Variants in MIS18BP1 observed in about 807,000 individuals in gnomAD.
The protein encoded by MIS18BP1 is MIS18 binding protein 1, also known as mis18-binding protein 1.
MIS18BP1 carries 72 observed loss-of-function variants against 116.1 expected under a neutral mutation model. The observed-to-expected ratio is 0.62, with a 90% confidence interval of 0.51 to 0.75. MIS18BP1 has a LOEUF of 0.75. MIS18BP1 is among the 30% of genes least tolerant of loss of function. The probability of loss-of-function intolerance (pLI) is 0.00; values close to 1 mark genes in which losing one functional copy is unlikely to be tolerated. For missense variants in MIS18BP1, 1,363 were observed against 1,303.2 expected (o/e 1.05, Z -0.71); for synonymous variants, 386 against 427.0 (o/e 0.90, Z 1.18).
chr14:45,225,965 T>C (rs1438375658), intron 10 of MIS18BP1, among the ~76,000 whole-genome samples: 1 of 152,106 alleles, frequency 6.6e-6, no homozygotes, highest in Non-Finnish European at 1.5e-5. Flanking sequence ...TCAAAATAAT[T>C]TAGAAAGTGT....
intron 6 of MIS18BP1, among the ~76,000 whole-genome samples, chr14:45,234,999 C>T (rs774283582): frequency 2.0e-4 from 30 of 152,154 alleles, no homozygotes; most frequent in Non-Finnish European, 4.3e-4. Flanking sequence ...GGGCAGATCA[C>T]ATGAGGTCAC....
intron 1 of MIS18BP1, among the ~76,000 whole-genome samples, chr14:45,251,177 C>A (rs1425879320): frequency 6.6e-6 from 1 of 151,726 alleles, no homozygotes; most frequent in South Asian, 2.1e-4. Flanking sequence ...TTTTACTGTA[C>A]CTTTTCTATA....
At chr14:45,252,401 A>C (rs772406931) in intron 1 of MIS18BP1, among the ~76,000 whole-genome samples, 2 of 152,258 alleles carry the variant, frequency 1.3e-5, no homozygotes, top group Non-Finnish European at 2.9e-5. Context: ...GTTTAAAAAA[A>C]TTTTTAAGTA....
At chr14:45,227,051 T>A (rs995545474) in intron 9 of MIS18BP1, among the ~76,000 whole-genome samples, 3 of 152,222 alleles carry the variant, frequency 2.0e-5, no homozygotes, top group Middle Eastern at 3.2e-3. Flanking sequence ...CTACATTAAT[T>A]TAATACTTTG....
Position 45,247,197 on chromosome 14 carries a change from A to G in MIS18BP1, c.90T>C (p.Phe30=). The change falls in exon 2 of 17, where the codon TTT becomes TTC. Residue 30 remains phenylalanine, a synonymous_variant. Transcript: ENST00000310806. ...QRRNLPMDAI[F]FDSIPSGTLT... ...GTGTGCCTGAAGGAATGCTGTCAAA[A>G]AAGATTGCATCCATGGGTAGATTTC... The G allele has an allele frequency of 6.2e-7, 1 of 1,613,018 alleles. No individual in the cohort carries two copies. The highest frequency in any genetic ancestry group is 8.5e-7 in the Non-Finnish European group (1 of 1,179,916).
chr14:45,210,272 AAAT>A, intron 14 of MIS18BP1, 105 bp downstream of exon 14: 1 of 1,152,706 alleles, frequency 8.7e-7, no homozygotes, highest in Non-Finnish European at 1.2e-6. Flanking sequence ...TTGATTTTTT[AAAT>A]AATGCCTCTT....
intron 14 of MIS18BP1, among the ~76,000 whole-genome samples, chr14:45,207,234 T>G (rs919848831): frequency 6.6e-6 from 1 of 152,214 alleles, no homozygotes; most frequent in Non-Finnish European, 1.5e-5. Context: ...CTTACATACC[T>G]GAGTATCCTC....
intron 8 of MIS18BP1, among the ~76,000 whole-genome samples, chr14:45,228,469 C>G (rs1267542987): frequency 6.6e-6 from 1 of 152,052 alleles, no homozygotes; most frequent in Non-Finnish European, 1.5e-5. Context: ...AATAACTGTT[C>G]TTCTTCTATT....
chr14:45,214,940 G>A (rs1198601099), intron 13 of MIS18BP1, among the ~76,000 whole-genome samples: 5 of 151,974 alleles, frequency 3.3e-5, no homozygotes, highest in Admixed American at 6.6e-5. Context: ...TAGTAGAGAC[G>A]GGGTTTCACC....
intron 12 of MIS18BP1, 42 bp from the exon 13 acceptor site, chr14:45,217,221 T>C: frequency 6.9e-6 from 11 of 1,590,484 alleles, no homozygotes; most frequent in Non-Finnish European, 9.4e-6. Flanking sequence ...TTTGGTTATT[T>C]ATAGTAACTG....
chr14:45,244,760 T>G (rs898771026), intron 2 of MIS18BP1, among the ~76,000 whole-genome samples: 1 of 152,266 alleles, frequency 6.6e-6, no homozygotes, highest in Non-Finnish European at 1.5e-5. Flanking sequence ...GTTTTCCATA[T>G]TGCTCAGCTG....
intron 13 of MIS18BP1, among the ~76,000 whole-genome samples, chr14:45,212,705 C>A (rs935327875): frequency 1.3e-5 from 2 of 152,136 alleles, no homozygotes; most frequent in African/African-American, 4.8e-5. Flanking sequence ...TAAGGACATC[C>A]GACTGGTAAG....
In MIS18BP1 at chr14:45,246,990, CTTG is replaced by C; in HGVS notation, c.294_296del (p.Asn98del). On this transcript the variant is annotated inframe_deletion, in exon 2 of 17. Coordinates refer to ENST00000310806, the MANE Select transcript of MIS18BP1 (RefSeq NM_018353.5). ...AGTTTGCTTTATTTTTTAATCCATCCTTGTTGGGCTTTATAGCACTGATATCAA... is the reference window on the plus strand; with the variant it reads ...AGTTTGCTTTATTTTTTAATCCATCCTTGGGCTTTATAGCACTGATATCAA... The C allele has an allele frequency of 6.2e-7, 1 of 1,612,156 alleles. No homozygotes were observed. Among genetic ancestry groups the C allele is most frequent in the Non-Finnish European group, 8.5e-7 (1 of 1,179,630 alleles).
chr14:45,230,035 G>A (rs141129114), intron 8 of MIS18BP1, among the ~76,000 whole-genome samples: 12 of 152,264 alleles, frequency 7.9e-5, no homozygotes, highest in South Asian at 2.1e-4. Flanking sequence ...GTTCAAATGC[G>A]GGTTGGGGAG....
chr14:45,222,916 A>G (rs1202448823), intron 11 of MIS18BP1, among the ~76,000 whole-genome samples: 2 of 152,200 alleles, frequency 1.3e-5, no homozygotes, highest in African/African-American at 4.8e-5. Flanking sequence ...AACAGAAGCA[A>G]CAGGTACTTG....
intron 2 of MIS18BP1, among the ~76,000 whole-genome samples, chr14:45,243,145 A>C (rs1891631411): frequency 6.6e-6 from 1 of 152,170 alleles, no homozygotes; most frequent in South Asian, 2.1e-4. Flanking sequence ...TCTAGACAAA[A>C]GTATTGGACT....
At chr14:45,206,409 C>G (rs560692272) in intron 14 of MIS18BP1, 1 of 373,610 alleles carries the variant, frequency 2.7e-6, no homozygotes, top group Non-Finnish European at 4.9e-6. Flanking sequence ...AACTCAGCCT[C>G]CCAAGTAGCT....
At chr14:45,245,913 C>T (rs971224193) in intron 2 of MIS18BP1, among the ~76,000 whole-genome samples, 2 of 152,172 alleles carry the variant, frequency 1.3e-5, no homozygotes, top group Admixed American at 1.3e-4. Context: ...TCAAAATTAA[C>T]ATAACAAAAT....
chr14:45,217,270 G>A, intron 12 of MIS18BP1, 91 bp from the exon 13 acceptor site: 1 of 1,413,260 alleles, frequency 7.1e-7, no homozygotes, highest in Non-Finnish European at 9.6e-7. Context: ...TCTAAATTGT[G>A]CATTCATGTT....
Sources: gnomAD v4.1 joint callset for allele counts (sites outside exome capture counted in the v4.1 genomes callset) on GRCh38, gnomAD v4.1.1 for gene constraint, MANE v1.5 for transcripts, NCBI Gene and HGNC (gene_info 2026-07-23, HGNC 2026-07-21) for gene names.